Variants in NAALADL2 observed in about 807,000 individuals in gnomAD.
The protein encoded by NAALADL2 is inactive N-acetylated-alpha-linked acidic dipeptidase-like protein 2.
Under a neutral mutation model 87.2 loss-of-function variants are expected in NAALADL2, and 76 were observed. That is an observed-to-expected ratio of 0.87 (90% CI 0.72 to 1.05). The LOEUF is 1.05. NAALADL2 is among the 50% of genes least tolerant of loss of function. The probability of loss-of-function intolerance (pLI) is 0.00; values close to 1 mark genes in which losing one functional copy is unlikely to be tolerated. For missense variants in NAALADL2, 1,089 were observed against 945.8 expected, an observed-to-expected ratio of 1.15 and a Z score of -1.99; for synonymous variants, 354 against 331.0, an observed-to-expected ratio of 1.07 and a Z score of -0.75.
At chr3:175,395,074 CA>C (rs1047689558) in intron 5 of NAALADL2, among the ~76,000 whole-genome samples, 1 of 152,076 alleles carries the variant, frequency 6.6e-6, no homozygotes, top group African/African-American at 2.4e-5. Flanking sequence ...GATTTGAACA[CA>C]AGCGTTGGGA....
At chr3:175,040,161 A>G (rs1753898963) in intron 1 of NAALADL2, among the ~76,000 whole-genome samples, 1 of 152,146 alleles carries the variant, frequency 6.6e-6, no homozygotes, top group South Asian at 2.1e-4. Flanking sequence ...CACGCCTGAA[A>G]TTGTAATCAT....
In NAALADL2 at chr3:175,809,395, G is replaced by A. The variant is rs1481341863; in HGVS notation, c.*6192G>A. 1 of 150,784 alleles carries A rather than the reference G, an allele frequency of 6.6e-6. No individual in the cohort carries two copies. Among genetic ancestry groups the A allele is most frequent in the African/African-American group, 2.4e-5 (1 of 41,034 alleles). The allele number at this position is 150,784 out of a possible 1,614,324, so 9.3% of individuals were successfully genotyped here. A position where few individuals can be genotyped will look rare whatever the true frequency, so the allele number is the denominator to read the frequency against. On this transcript the variant is annotated 3_prime_UTR_variant, in exon 14 of 14. Coordinates refer to ENST00000454872, the MANE Select transcript of NAALADL2 (RefSeq NM_207015.3). ...TCCTTATATTCTAACTTGCTACTTG[G>A]AGAATATGGATATTCTGAAAAGAAA...
At chr3:174,986,339 A>G (rs928196802) in intron 1 of NAALADL2, among the ~76,000 whole-genome samples, 1 of 148,388 alleles carries the variant, frequency 6.7e-6, no homozygotes, top group Non-Finnish European at 1.5e-5. Flanking sequence ...TATATATTCC[A>G]TAAGGATTAT....
At chr3:175,168,911 A>G (rs1734379661) in intron 2 of NAALADL2, among the ~76,000 whole-genome samples, 2 of 151,856 alleles carry the variant, frequency 1.3e-5, no homozygotes, top group South Asian at 2.1e-4. Flanking sequence ...GTTGTCCTCA[A>G]ATAAGATCAA....
chr3:174,853,326 C>T (rs1271543828), intron 3 of NAALADL2, among the ~76,000 whole-genome samples: 1 of 142,996 alleles, frequency 7.0e-6, no homozygotes, highest in Non-Finnish European at 1.5e-5. Context: ...TGCAGTGAGC[C>T]GAGATCATGC....
intron 5 of NAALADL2, among the ~76,000 whole-genome samples, chr3:175,415,967 A>G (rs924381571): frequency 2.0e-4 from 31 of 151,400 alleles, no homozygotes; most frequent in Admixed American, 6.6e-5. Context: ...AAAAAAAAAA[A>G]AAAAAATTAG....
chr3:174,741,191 A>G (rs1733727415), intron 3 of NAALADL2, among the ~76,000 whole-genome samples: 1 of 151,682 alleles, frequency 6.6e-6, no homozygotes, highest in African/African-American at 2.4e-5. Flanking sequence ...TACCGAAGAA[A>G]ACTGACGGCA....
At chr3:174,647,718 A>G (rs1216598500) in intron 2 of NAALADL2, among the ~76,000 whole-genome samples, 1 of 152,234 alleles carries the variant, frequency 6.6e-6, no homozygotes, top group African/African-American at 2.4e-5. Flanking sequence ...CCCAGGATCT[A>G]TAACCCTAAG....
chr3:174,559,223 G>A (rs772971104), intron 2 of NAALADL2, among the ~76,000 whole-genome samples: 10 of 152,124 alleles, frequency 6.6e-5, no homozygotes, highest in Non-Finnish European at 1.2e-4. Flanking sequence ...GACAAATCTA[G>A]TTTCTCAAAC....
chr3:175,042,320 C>T (rs1010006927), intron 1 of NAALADL2, among the ~76,000 whole-genome samples: 1 of 152,066 alleles, frequency 6.6e-6, no homozygotes, highest in South Asian at 2.1e-4. Flanking sequence ...TATATATACA[C>T]CTCATTTTCT....
intron 1 of NAALADL2, among the ~76,000 whole-genome samples, chr3:174,887,270 A>T (rs1579366756): frequency 7.4e-6 from 1 of 134,370 alleles, no homozygotes; most frequent in East Asian, 2.2e-4. Context: ...GATCTTTGTT[A>T]ACCTTATCAA....
rs1031264260 is a variant in NAALADL2, at chr3:175,110,746, T to C, written c.545+13455T>C. Reference sequence around the variant, plus strand: ...TAACCTATAAGCAGAAAGATAAATTTGGGGATTGCGGAAAATGTCACTTAG... The same window carrying C: ...TAACCTATAAGCAGAAAGATAAATTCGGGGATTGCGGAAAATGTCACTTAG... On this transcript the variant is annotated intron_variant, in intron 2 of 13. Transcript: ENST00000454872. Among the ~76,000 whole-genome samples the C allele has an allele frequency of 4.0e-5, 6 of 151,776 alleles. No individual in the cohort carries two copies. The East Asian group carries it at 7.7e-4, about 20-fold the overall frequency.
chr3:175,621,683 A>T (rs960845161), intron 10 of NAALADL2, among the ~76,000 whole-genome samples: 33 of 152,364 alleles, frequency 2.2e-4, no homozygotes, highest in African/African-American at 7.7e-4. Context: ...TAAAAAATAT[A>T]ACAACTATTT....
At chr3:175,238,507 A>C (rs1049578409) in intron 3 of NAALADL2, among the ~76,000 whole-genome samples, 3 of 152,172 alleles carry the variant, frequency 2.0e-5, no homozygotes, top group Non-Finnish European at 4.4e-5. Context: ...GATTGTATTA[A>C]TAATGCAAAT....
intron 3 of NAALADL2, among the ~76,000 whole-genome samples, chr3:175,249,131 G>C (rs80199958): frequency 0.09 from 13,679 of 152,004 alleles, 2,023 homozygotes; most frequent in African/African-American, 0.31. Flanking sequence ...CGTATATGAG[G>C]AAGTTGAGCT....
At chr3:175,092,566 ACTTAT>A (rs1305505427) in intron 1 of NAALADL2, among the ~76,000 whole-genome samples, 3 of 151,878 alleles carry the variant, frequency 2.0e-5, no homozygotes, top group Non-Finnish European at 4.4e-5. Flanking sequence ...TTATTTCCAT[ACTTAT>A]CTTTATTTCC....
chr3:175,139,848 G>A (rs541863772), intron 2 of NAALADL2, among the ~76,000 whole-genome samples: 7 of 152,178 alleles, frequency 4.6e-5, no homozygotes, highest in South Asian at 4.1e-4. Context: ...AGCAAAACAC[G>A]CAACTCTAAC....
intron 11 of NAALADL2, among the ~76,000 whole-genome samples, chr3:175,641,050 T>A (rs1729221309): frequency 6.6e-6 from 1 of 152,204 alleles, no homozygotes; most frequent in African/African-American, 2.4e-5. Context: ...TTGGCTTCTG[T>A]ACTTCATTGC....
At chr3:175,148,110 A>ATAATAG (rs1237530624) in intron 2 of NAALADL2, among the ~76,000 whole-genome samples, 1 of 146,746 alleles carries the variant, frequency 6.8e-6, no homozygotes, top group East Asian at 2.0e-4. Flanking sequence ...AATAATAATA[A>ATAATAG]TAATAATAAT....
Sources: allele counts gnomAD v4.1 joint callset (sites outside exome capture counted in the v4.1 genomes callset), GRCh38; gene constraint gnomAD v4.1.1; transcripts MANE v1.5; gene names NCBI Gene and HGNC (gene_info 2026-07-23, HGNC 2026-07-21).